The following GPATCH8 variants were observed in gnomAD, a reference collection of about 807,000 sequenced individuals.
GPATCH8 encodes the protein G patch domain-containing protein 8.
Under a neutral mutation model 118.3 loss-of-function variants are expected in GPATCH8, and 18 were observed. That is an observed-to-expected ratio of 0.15 (90% CI 0.11 to 0.23). The LOEUF (loss-of-function observed/expected upper bound fraction) is 0.23. GPATCH8 is among the 10% of genes least tolerant of loss of function. The probability of loss-of-function intolerance (pLI) is 1.00; values close to 1 mark genes in which losing one functional copy is unlikely to be tolerated. For synonymous variants in GPATCH8, 659 were observed against 684.7 expected (o/e 0.96, Z 0.59); for missense variants, 1,631 against 1,873.8 (o/e 0.87, Z 2.39).
chr17:44,452,431 TGGC>T (rs2051152975), intron 3 of GPATCH8, among the ~76,000 whole-genome samples: 1 of 152,098 alleles, frequency 6.6e-6, no homozygotes, highest in African/African-American at 2.4e-5. Context: ...TAATAAATGA[TGGC>T]TATTATAAAA....
Position 44,396,237 on chromosome 17 carries a change from C to T in GPATCH8, c.*1331G>A. ...GGTACCCAGGGAAACCCAGGAATCCCCCCAGACAATCACCAAATCTCACTG... is the reference window on the plus strand; with the variant it reads ...GGTACCCAGGGAAACCCAGGAATCCTCCCAGACAATCACCAAATCTCACTG... On this transcript the variant is annotated 3_prime_UTR_variant, in exon 8 of 8. Coordinates refer to ENST00000591680, the MANE Select transcript of GPATCH8 (RefSeq NM_001002909.4). 2.2e-6 allele frequency: 1 copy of T among 454,512 alleles called. No individual in the cohort carries two copies. Among genetic ancestry groups the T allele is most frequent in the Non-Finnish European group, 4.4e-6 (1 of 226,790 alleles). The allele number at this position is 454,512 out of a possible 1,614,324, so 28.2% of individuals were successfully genotyped here.
Position 44,399,788 on chromosome 17 carries a change from C to T in GPATCH8, c.2289G>A (p.Glu763=). The T allele has an allele frequency of 1.9e-6, 3 of 1,613,630 alleles. No individual in the cohort carries two copies. Among genetic ancestry groups the T allele is most frequent in the Non-Finnish European group, 2.5e-6 (3 of 1,179,770 alleles). Residue 763 remains glutamate (E), a synonymous_variant, in exon 8 of 8, where the codon GAG becomes GAA. Coordinates refer to ENST00000591680, the MANE Select transcript of GPATCH8 (RefSeq NM_001002909.4). ...DSQRRSLPAE[E]GSSGKKDEGG... ...CTTCATCCTTTTTGCCACTGCTCCC[C>T]TCTTCAGCTGGGAGGGATCTCCGCT...
chr17:44,458,614 T>C (rs1373521589), intron 3 of GPATCH8, among the ~76,000 whole-genome samples: 1 of 152,116 alleles, frequency 6.6e-6, no homozygotes, highest in Non-Finnish European at 1.5e-5. Context: ...TTCGAACTCC[T>C]GGAGTCAAGG....
chr17:44,480,820 G>A (rs1008634705), intron 1 of GPATCH8, among the ~76,000 whole-genome samples: 1 of 151,980 alleles, frequency 6.6e-6, no homozygotes, highest in African/African-American at 2.4e-5. Flanking sequence ...GCAGTAAGCC[G>A]AGATCACGCC....
intron 6 of GPATCH8, chr17:44,407,134 CT>C (rs1432011193): frequency 5.3e-5 from 8 of 151,790 alleles, no homozygotes; most frequent in African/African-American, 1.7e-4. Flanking sequence ...TGTTTTGAAT[CT>C]TTTTAAATTG....
chr17:44,499,828 G>C (rs935723211), intron 1 of GPATCH8, among the ~76,000 whole-genome samples: 3 of 151,430 alleles, frequency 2.0e-5, no homozygotes, highest in African/African-American at 7.3e-5. Context: ...ATTCTTAAAG[G>C]AGTAGTTAAA....
intron 1 of GPATCH8, among the ~76,000 whole-genome samples, chr17:44,492,289 AG>A (rs1202309638): frequency 9.5e-6 from 1 of 105,418 alleles, no homozygotes; most frequent in African/African-American, 3.3e-5. Context: ...TGACAGAGTG[AG>A]ACGTCTCAAA....
At chr17:44,428,471 C>A (rs941055655) in intron 5 of GPATCH8, among the ~76,000 whole-genome samples, 6 of 149,082 alleles carry the variant, frequency 4.0e-5, no homozygotes, top group African/African-American at 1.5e-4. Context: ...CTGGCCTGGG[C>A]AACAGAGTGA....
At chr17:44,477,364 G>A (rs903073068) in intron 1 of GPATCH8, among the ~76,000 whole-genome samples, 4 of 152,118 alleles carry the variant, frequency 2.6e-5, no homozygotes, top group African/African-American at 9.7e-5. Flanking sequence ...GGTGGTGGTA[G>A]TCGTACAATA....
rs146895353 is a variant in GPATCH8 at position 44,454,938 on chromosome 17, G to C, written c.193+9534C>G. 1.2e-4 allele frequency among the ~76,000 whole-genome samples: 18 copies of C among 152,228 alleles called. No individual in the cohort carries two copies. The East Asian group carries it at 3.5e-3, about 29-fold the overall frequency. ...TTTGGCAACTGTATGAAGACTCCAA[G>C]ACCCATTTAATTAGCAGGAAACAGA... On this transcript the variant is annotated intron_variant, in intron 3 of 7. Coordinates refer to ENST00000591680, the MANE Select transcript of GPATCH8 (RefSeq NM_001002909.4).
chr17:44,426,898 C>A (rs1201739368), intron 5 of GPATCH8, among the ~76,000 whole-genome samples: 2 of 151,366 alleles, frequency 1.3e-5, no homozygotes, highest in Admixed American at 1.3e-4. Context: ...TCTCTCAACT[C>A]CAGAAGACAG....
Position 44,397,278 on chromosome 17 carries a change from T to G in GPATCH8, c.*290A>C. On this transcript the variant is annotated 3_prime_UTR_variant, in exon 8 of 8. Transcript: ENST00000591680. Reference sequence around the variant, plus strand: ...GGAGGGGATTATCTAAACTTGACAGTTTGGAGATGTTGCTGCAGAGGGGTG... The same window carrying G: ...GGAGGGGATTATCTAAACTTGACAGGTTGGAGATGTTGCTGCAGAGGGGTG... The G allele has an allele frequency of 1.7e-6, 1 of 589,000 alleles. No individual in the cohort carries two copies. The highest frequency in any genetic ancestry group is 3.2e-6 in the Non-Finnish European group (1 of 313,712). 36.5% of individuals were successfully genotyped at this position (589,000 alleles called of 1,614,324 possible).
Position 44,424,524 on chromosome 17 carries a change from A to G in GPATCH8, c.349-32T>C, listed in dbSNP as rs1181711806. 2.6e-6 allele frequency: 4 copies of G among 1,547,418 alleles called. No homozygotes were observed. The African/African-American group carries it at 4.1e-5, about 16-fold the overall frequency. The stretch of plus-strand genomic sequence containing the variant: ...GACCCATGAAATACAAAGAAACAAA[A>G]AATGAACTTGGTAAAACTTTAAGTG... On this transcript the variant is annotated intron_variant, in intron 5 of 7. Coordinates refer to ENST00000591680, the MANE Select transcript of GPATCH8 (RefSeq NM_001002909.4).
chr17:44,456,733 G>T (rs1299829632), intron 3 of GPATCH8, among the ~76,000 whole-genome samples: 2 of 152,056 alleles, frequency 1.3e-5, no homozygotes, highest in African/African-American at 4.8e-5. Context: ...TTTCCTAACT[G>T]AAACAAGACT....
At chr17:44,442,122 T>TAGAG (rs1369615165) in intron 3 of GPATCH8, among the ~76,000 whole-genome samples, 3 of 128,994 alleles carry the variant, frequency 2.3e-5, no homozygotes, top group Admixed American at 1.6e-4. Flanking sequence ...TATATATATA[T>TAGAG]AGAGAGAGAG....
intron 1 of GPATCH8, among the ~76,000 whole-genome samples, chr17:44,478,046 G>C (rs2144397226): frequency 6.6e-6 from 1 of 152,122 alleles, no homozygotes; most frequent in South Asian, 2.1e-4. Context: ...GGCTGATCTT[G>C]AACTCCTGAC....
chr17:44,479,804 T>A (rs1968067937), intron 1 of GPATCH8, among the ~76,000 whole-genome samples: 1 of 151,714 alleles, frequency 6.6e-6, no homozygotes. Flanking sequence ...CTGTCTCTAC[T>A]AAAAATACAA....
rs760257617 is a variant in GPATCH8 at position 44,399,903 on chromosome 17, G to C, written c.2174C>G (p.Ala725Gly). ...TGGTTTGGGTCCTCGTTCAGAATCT[G>C]CTGGGGCTGATGACTTATTCTTCTT... ...KRKKNKSSAPADSERGPKPEP... is the reference protein window; with the variant it reads ...KRKKNKSSAPGDSERGPKPEP... The change falls in exon 8 of 8, where the codon GCA becomes GGA. Residue 725 changes from alanine to glycine, a missense_variant. Transcript: ENST00000591680. 3 of 1,613,834 alleles carry C rather than the reference G, an allele frequency of 1.9e-6. No individual in the cohort carries two copies. The highest frequency in any genetic ancestry group is 1.7e-6 in the Non-Finnish European group (2 of 1,179,960).
At chr17:44,490,762 T>C (rs1330135266) in intron 1 of GPATCH8, among the ~76,000 whole-genome samples, 3 of 152,306 alleles carry the variant, frequency 2.0e-5, no homozygotes, top group Middle Eastern at 3.4e-3. Flanking sequence ...GCAGATCTAA[T>C]GGCAAATGAA....
Sources: allele counts gnomAD v4.1 joint callset (sites outside exome capture counted in the v4.1 genomes callset), GRCh38; gene constraint gnomAD v4.1.1; transcripts MANE v1.5; gene names NCBI Gene and HGNC (gene_info 2026-07-23, HGNC 2026-07-21).